Variants in COL26A1 observed in about 807,000 individuals in gnomAD.
COL26A1 encodes collagen alpha-1(XXVI) chain.
In COL26A1, 41 loss-of-function variants were observed where a neutral mutation model predicts 59.3. That is an observed-to-expected ratio of 0.69 (90% confidence interval 0.54 to 0.90). The LOEUF is 0.90. Among genes scored for constraint, COL26A1 ranks in the 40% least tolerant of loss-of-function variants. The pLI, the probability that COL26A1 is intolerant of heterozygous loss-of-function variation, is 0.00. For synonymous variants in COL26A1, 266 were observed against 256.0 expected, an observed-to-expected ratio of 1.04 and a Z score of -0.37; for missense variants, 612 against 602.3, an observed-to-expected ratio of 1.02 and a Z score of -0.17.
chr7:101,459,196 G>A (rs908966298), intron 3 of COL26A1, among the ~76,000 whole-genome samples: 2 of 152,150 alleles, frequency 1.3e-5, no homozygotes, highest in Admixed American at 6.6e-5. Flanking sequence ...AATCCCACCC[G>A]AAGTTGTCCC....
At chr7:101,412,900 A>G (rs1035547383) in intron 1 of COL26A1, among the ~76,000 whole-genome samples, 1 of 152,062 alleles carries the variant, frequency 6.6e-6, no homozygotes. Context: ...CACCAGGGCA[A>G]TGGGGGGAAG....
intron 1 of COL26A1, among the ~76,000 whole-genome samples, chr7:101,379,770 T>C (rs1358469431): frequency 6.6e-6 from 1 of 152,158 alleles, no homozygotes; most frequent in Non-Finnish European, 1.5e-5. Context: ...GAGAGTGACC[T>C]CTGGTCGTCC....
At chr7:101,424,314 T>C (rs992127844) in intron 2 of COL26A1, among the ~76,000 whole-genome samples, 52 of 152,178 alleles carry the variant, frequency 3.4e-4, no homozygotes, top group Admixed American at 1.4e-3. Context: ...TACTAGGGAA[T>C]GGGCCGGGTG....
Position 101,514,607 on chromosome 7 carries a change from T to TA in COL26A1, c.386-18474dup, listed in dbSNP as rs1306746717. 2.6e-5 allele frequency among the ~76,000 whole-genome samples: 4 copies of TA among 152,220 alleles called. No homozygotes were observed. The East Asian group carries it at 7.8e-4, about 30-fold the overall frequency. ...TAGCGAGGCAGTGCTGTTTGGGTCT[T>TA]ACCCCAGGCTCTGGGGGTGGGTGGG... On this transcript the variant is annotated intron_variant, in intron 3 of 12. Transcript: ENST00000313669.
intron 3 of COL26A1, among the ~76,000 whole-genome samples, chr7:101,456,520 C>T (rs985126173): frequency 5.9e-5 from 9 of 151,952 alleles, no homozygotes; most frequent in Admixed American, 5.9e-4. Context: ...CAAAATTAGC[C>T]GGTCGTGGTG....
intron 2 of COL26A1, among the ~76,000 whole-genome samples, chr7:101,425,737 C>A (rs1398892247): frequency 6.6e-6 from 1 of 150,796 alleles, no homozygotes; most frequent in African/African-American, 2.4e-5. Context: ...TCCTGAACTA[C>A]CTCAAATGAT....
chr7:101,506,772 C>A (rs1794820448), intron 3 of COL26A1, among the ~76,000 whole-genome samples: 2 of 152,222 alleles, frequency 1.3e-5, no homozygotes, highest in Admixed American at 1.3e-4. Context: ...GGATTTCCAG[C>A]CAGAGTGCTG....
intron 1 of COL26A1, among the ~76,000 whole-genome samples, chr7:101,391,623 G>A (rs1486019655): frequency 2.6e-5 from 4 of 152,104 alleles, no homozygotes; most frequent in African/African-American, 7.2e-5. Context: ...GCAGTGGCAC[G>A]ATCTCAGCTC....
chr7:101,426,445 T>C (rs947197934), intron 2 of COL26A1, among the ~76,000 whole-genome samples: 2 of 152,164 alleles, frequency 1.3e-5, no homozygotes, highest in Non-Finnish European at 2.9e-5. Context: ...CCCACACCTG[T>C]GTGTCCACCA....
chr7:101,472,758 G>C (rs1558007), intron 3 of COL26A1, among the ~76,000 whole-genome samples: 33,117 of 152,046 alleles, frequency 0.22, 4,627 homozygotes, highest in Non-Finnish European at 0.31. Context: ...CATAAACACC[G>C]CAATCTGTGG....
intron 3 of COL26A1, among the ~76,000 whole-genome samples, chr7:101,448,135 G>C (rs1008743251): frequency 3.3e-5 from 5 of 152,236 alleles, no homozygotes; most frequent in African/African-American, 1.2e-4. Context: ...AGGCAGAGTT[G>C]GATATCTGGG....
chr7:101,364,392 C>G (rs566818863), intron 1 of COL26A1, among the ~76,000 whole-genome samples: 75 of 151,760 alleles, frequency 4.9e-4, no homozygotes, highest in African/African-American at 1.7e-3. Context: ...CCAGGCTTGT[C>G]GCAAACTCCT....
intron 3 of COL26A1, among the ~76,000 whole-genome samples, chr7:101,487,880 C>T (rs1374210355): frequency 6.6e-6 from 1 of 152,200 alleles, no homozygotes; most frequent in East Asian, 1.9e-4. Flanking sequence ...CCGGCTATCA[C>T]AGTATCGTTT....
intron 1 of COL26A1, among the ~76,000 whole-genome samples, chr7:101,390,148 G>GTTTTTTT (rs60091954): frequency 1.4e-5 from 1 of 72,374 alleles, no homozygotes; most frequent in East Asian, 4.4e-4. Flanking sequence ...CATGTTAAGG[G>GTTTTTTT]TTTTTTTTTT....
At chr7:101,490,225 C>T (rs1246942805) in intron 3 of COL26A1, among the ~76,000 whole-genome samples, 2 of 151,754 alleles carry the variant, frequency 1.3e-5, no homozygotes. Context: ...TGTGAGCCAC[C>T]GTGCCGGGCC....
At chr7:101,370,204 G>C (rs374625651) in intron 1 of COL26A1, among the ~76,000 whole-genome samples, 1 of 151,996 alleles carries the variant, frequency 6.6e-6, no homozygotes, top group African/African-American at 2.4e-5. Context: ...TGGCCTTTCA[G>C]GGGTAAGAAT....
chr7:101,368,068 A>G (rs984860105), intron 1 of COL26A1, among the ~76,000 whole-genome samples: 2 of 152,058 alleles, frequency 1.3e-5, no homozygotes, highest in Non-Finnish European at 2.9e-5. Flanking sequence ...TTTGTTGGTT[A>G]TATGCTCATG....
chr7:101,402,649 T>C (rs867238026), intron 1 of COL26A1, among the ~76,000 whole-genome samples: 4 of 23,222 alleles, frequency 1.7e-4, no homozygotes, highest in Admixed American at 1.6e-3. Flanking sequence ...CTCCCTCCCT[T>C]CCTTCCTTCC....
In COL26A1 at chr7:101,392,397, CTTT is replaced by C. The variant is rs34053990; in HGVS notation, c.159-27560_159-27558del. On this transcript the variant is annotated intron_variant, in intron 1 of 12. Transcript: ENST00000313669. ...AGGGAACAAGTATCCAACAACCAGG[CTTT>C]TTTTTTTTTTTTTTTTTTTAAGATG... Among the ~76,000 whole-genome samples the C allele has an allele frequency of 3.1e-3, 266 of 86,604 alleles. 1 individual carries two copies. The highest frequency in any genetic ancestry group is 3.7e-3 in the South Asian group (8 of 2,158). The allele number at this position is 86,604 out of a possible 152,430, so 56.8% of individuals were successfully genotyped here.
Sources: allele counts gnomAD v4.1 joint callset (sites outside exome capture counted in the v4.1 genomes callset), GRCh38; gene constraint gnomAD v4.1.1; transcripts MANE v1.5; gene names NCBI Gene and HGNC (gene_info 2026-07-23, HGNC 2026-07-21).